ZKSCAN5: variants seen among roughly 807,000 people sequenced by gnomAD.
ZKSCAN5 encodes the protein zinc finger with KRAB and SCAN domains 5.
ZKSCAN5 carries 28 observed loss-of-function variants against 60.0 expected under a neutral mutation model. That is an observed-to-expected ratio of 0.47 (90% CI 0.35 to 0.64). The LOEUF (loss-of-function observed/expected upper bound fraction) is 0.64, where lower values mean the gene tolerates loss of function less well. Ranked by LOEUF, ZKSCAN5 falls within the 30% of genes least tolerant of loss-of-function variation. The pLI, the probability that ZKSCAN5 is intolerant of heterozygous loss-of-function variation, is 0.01. For synonymous variants in ZKSCAN5, 361 were observed against 371.2 expected (o/e 0.97, Z 0.31); for missense variants, 881 against 1,034.6 (o/e 0.85, Z 2.04).
intron 2 of ZKSCAN5, among the ~76,000 whole-genome samples, chr7:99,507,355 G>A (rs1482454647): frequency 2.0e-5 from 3 of 151,560 alleles, no homozygotes; most frequent in Non-Finnish European, 4.4e-5. Flanking sequence ...TTCTAAATTT[G>A]TATTATAACA....
intron 5 of ZKSCAN5, among the ~76,000 whole-genome samples, chr7:99,522,633 C>T (rs1407363986): frequency 6.6e-6 from 1 of 151,536 alleles, no homozygotes; most frequent in African/African-American, 2.4e-5. Context: ...ATTACAGGCA[C>T]CCTCCACCAC....
chr7:99,520,723 GGTGT>G (rs1801498441), intron 5 of ZKSCAN5, among the ~76,000 whole-genome samples: 1 of 152,132 alleles, frequency 6.6e-6, no homozygotes, highest in Non-Finnish European at 1.5e-5. Context: ...AATTTTGCCA[GGTGT>G]GGTAGCTCAT....
At chr7:99,527,898 A>G (rs1037298070) in intron 6 of ZKSCAN5, among the ~76,000 whole-genome samples, 1 of 152,064 alleles carries the variant, frequency 6.6e-6, no homozygotes, top group African/African-American at 2.4e-5. Context: ...TATATTGGCC[A>G]GGATGGTCTC....
Position 99,531,975 on chromosome 7 carries a change from T to C in ZKSCAN5, c.2246T>C (p.Ile749Thr). The change falls in exon 7 of 7, where the codon ATA (isoleucine) becomes ACA (threonine). Residue 749 changes from isoleucine (I) to threonine (T), a missense_variant. Coordinates refer to ENST00000326775, the MANE Select transcript of ZKSCAN5 (RefSeq NM_145102.4). ...GCAGAGAAGCCCTATCAATGTGATA[T>C]ATGTAGAGAAAATGTTGGCCAGTGT... is the stretch of plus-strand genomic sequence containing the variant. ...HTAEKPYQCDICRENVGQCSH... is the reference protein window; with the variant it reads ...HTAEKPYQCDTCRENVGQCSH... 1 of 1,614,162 alleles carries C rather than the reference T, an allele frequency of 6.2e-7. No homozygotes were observed. The highest frequency in any genetic ancestry group is 8.5e-7 in the Non-Finnish European group (1 of 1,180,034).
chr7:99,531,229 T>C lies in ZKSCAN5; in HGVS notation c.1500T>C (p.Phe500=). 7 of 1,614,164 alleles carry C rather than the reference T, an allele frequency of 4.3e-6. No homozygotes were observed. Among genetic ancestry groups the C allele is most frequent in the Non-Finnish European group, 5.9e-6 (7 of 1,180,030 alleles). The part of the protein sequence containing the change: ...TQRNVSQVQD[F]GEGCEFQGKL... ...GAAATGTTTCTCAAGTTCAAGATTTTGGAGAAGGCTGTGAGTTTCAAGGCA... is the reference window on the plus strand; with the variant it reads ...GAAATGTTTCTCAAGTTCAAGATTTCGGAGAAGGCTGTGAGTTTCAAGGCA... The change falls in exon 7 of 7, where the codon TTT becomes TTC. Residue 500 remains phenylalanine, a synonymous_variant. Coordinates refer to ENST00000326775, the MANE Select transcript of ZKSCAN5 (RefSeq NM_145102.4).
intron 6 of ZKSCAN5, among the ~76,000 whole-genome samples, chr7:99,526,707 A>T (rs1454372622): frequency 6.6e-6 from 1 of 152,152 alleles, no homozygotes; most frequent in East Asian, 1.9e-4. Flanking sequence ...GGCGCGCACC[A>T]GCATGCCCGG....
chr7:99,505,370 T>A (rs1158611339), intron 1 of ZKSCAN5: 1 of 151,378 alleles, frequency 6.6e-6, no homozygotes, highest in Non-Finnish European at 1.5e-5. Flanking sequence ...CCAGGAGAGC[T>A]CCCCTAGAGT....
In ZKSCAN5 at chr7:99,511,309, G is replaced by A. The variant is rs1190977687; in HGVS notation, c.415-1144G>A. Among the ~76,000 whole-genome samples the A allele has an allele frequency of 3.9e-5, 6 of 152,284 alleles. No individual in the cohort carries two copies. The South Asian group carries it at 1.2e-3, about 32-fold the overall frequency. On this transcript the variant is annotated intron_variant, in intron 2 of 6. Coordinates refer to ENST00000326775, the MANE Select transcript of ZKSCAN5 (RefSeq NM_145102.4). The stretch of plus-strand genomic sequence containing the variant: ...CTCAGTCTCAGTGTTGGTCTGTCCA[G>A]TGTGACTTACTGAGTGCTATGATGA...
intron 3 of ZKSCAN5, among the ~76,000 whole-genome samples, chr7:99,519,056 A>C (rs190749929): frequency 6.8e-6 from 1 of 147,858 alleles, no homozygotes; most frequent in African/African-American, 2.5e-5. Context: ...GCTCACTGTA[A>C]CCTCCACCTC....
Position 99,534,675 on chromosome 7 carries a change from A to AT in ZKSCAN5, c.*2426_*2427insT, listed in dbSNP as rs1802177706. On this transcript the variant is annotated 3_prime_UTR_variant, in exon 7 of 7. Transcript: ENST00000326775. ...CCCAGTTGACAGAGCGACAGTGTCT[A>AT]AAAAAAAAAAAAAAAAAAAAAAAAA... The AT allele has an allele frequency of 2.8e-4, 3 of 10,582 alleles. No homozygotes were observed. The highest frequency in any genetic ancestry group is 7.3e-4 in the Non-Finnish European group (3 of 4,118). 0.7% of individuals were successfully genotyped at this position (10,582 alleles called of 1,614,324 possible).
At chr7:99,518,634 A>T (rs1270837208) in intron 3 of ZKSCAN5, among the ~76,000 whole-genome samples, 2 of 149,160 alleles carry the variant, frequency 1.3e-5, no homozygotes, top group Admixed American at 6.7e-5. Flanking sequence ...GTTCTTTGAG[A>T]TAATAAAATT....
chr7:99,521,010 T>C (rs1801513055), intron 5 of ZKSCAN5, among the ~76,000 whole-genome samples: 1 of 152,126 alleles, frequency 6.6e-6, no homozygotes, highest in South Asian at 2.1e-4. Flanking sequence ...TCTAACTAAG[T>C]TATAATCCTG....
intron 6 of ZKSCAN5, among the ~76,000 whole-genome samples, chr7:99,529,880 C>T (rs1436973829): frequency 1.3e-5 from 2 of 151,480 alleles, no homozygotes; most frequent in Non-Finnish European, 2.9e-5. Context: ...GATTACAGGG[C>T]ACCCACCACC....
At chr7:99,522,567 G>A (rs1240373852) in intron 5 of ZKSCAN5, among the ~76,000 whole-genome samples, 1 of 151,164 alleles carries the variant, frequency 6.6e-6, no homozygotes, top group African/African-American at 2.4e-5. Context: ...TCTGCCTCCC[G>A]GGTTCAAGCT....
intron 3 of ZKSCAN5, among the ~76,000 whole-genome samples, chr7:99,516,700 G>A (rs1026946518): frequency 6.6e-6 from 1 of 152,102 alleles, no homozygotes; most frequent in Admixed American, 6.6e-5. Context: ...GAGGTGAGAT[G>A]TCCGGGTGTT....
intron 5 of ZKSCAN5, among the ~76,000 whole-genome samples, chr7:99,524,884 C>T (rs1031548301): frequency 6.6e-6 from 1 of 151,878 alleles, no homozygotes; most frequent in Non-Finnish European, 1.5e-5. Flanking sequence ...ATTGCCCAGT[C>T]GTGACTGGGC....
chr7:99,522,502 C>T (rs1801581655), intron 5 of ZKSCAN5, among the ~76,000 whole-genome samples: 1 of 149,244 alleles, frequency 6.7e-6, no homozygotes, highest in Admixed American at 6.7e-5. Flanking sequence ...GAGACAGTGT[C>T]TCGCTCTGTT....
At chr7:99,514,830 G>GA (rs1395298156) in intron 3 of ZKSCAN5, among the ~76,000 whole-genome samples, 1 of 151,812 alleles carries the variant, frequency 6.6e-6, no homozygotes, top group East Asian at 1.9e-4. Flanking sequence ...AGAATTGCTT[G>GA]AACCCGGGAG....
intron 4 of ZKSCAN5, 27 bp downstream of exon 4, chr7:99,519,936 A>G: frequency 1.2e-6 from 2 of 1,611,112 alleles, no homozygotes; most frequent in Non-Finnish European, 1.7e-6. Flanking sequence ...TTGCCCTCAG[A>G]GAGGACCCAT....
Sources: gnomAD v4.1 joint callset for allele counts (sites outside exome capture counted in the v4.1 genomes callset) on GRCh38, gnomAD v4.1.1 for gene constraint, MANE v1.5 for transcripts, NCBI Gene and HGNC (gene_info 2026-07-23, HGNC 2026-07-21) for gene names.